Variants in SPAG9 observed in about 807,000 individuals in gnomAD.
SPAG9 encodes the protein sperm associated antigen 9.
Under a neutral mutation model 166.5 loss-of-function variants are expected in SPAG9, and 35 were observed. That is an observed-to-expected ratio of 0.21 (90% confidence interval 0.16 to 0.28). The LOEUF (loss-of-function observed/expected upper bound fraction) is 0.28. Among genes scored for constraint, SPAG9 ranks in the 10% least tolerant of loss-of-function variants. SPAG9 has a pLI of 1.00. For missense variants in SPAG9, 1,235 were observed against 1,603.3 expected (o/e 0.77, Z 3.92); for synonymous variants, 534 against 565.5 (o/e 0.94, Z 0.79).
rs1401434192 is a variant in SPAG9 at position 50,990,553 on chromosome 17, C to T, written c.2514G>A (p.Leu838=). ...TSNSSAETDS[L]LGGITVVGCS... ...AACCAACCACTGTGATGCCTCCTAA[C>T]AGGCTGTCTGTCTCTGCTGAGCTGT... The change falls in exon 20 of 30, where the codon CTG becomes CTA. Residue 838 remains leucine (L), a synonymous_variant. Transcript: ENST00000262013. 1 of 1,614,088 alleles carries T rather than the reference C, an allele frequency of 6.2e-7. No homozygotes were observed. Among genetic ancestry groups the T allele is most frequent in the African/African-American group, 1.3e-5 (1 of 74,934 alleles).
chr17:51,004,475 C>T (rs1314096087), intron 12 of SPAG9, among the ~76,000 whole-genome samples: 2 of 152,178 alleles, frequency 1.3e-5, no homozygotes, highest in Non-Finnish European at 2.9e-5. Context: ...GGGTGGCTCA[C>T]ATCTGTAATC....
At chr17:51,099,009 A>C (rs1196700753) in intron 1 of SPAG9, among the ~76,000 whole-genome samples, 2 of 151,770 alleles carry the variant, frequency 1.3e-5, no homozygotes, top group South Asian at 2.1e-4. Flanking sequence ...CTGAGGCAGA[A>C]GAACTGCTTG....
At chr17:51,028,351 C>T (rs1246332516) in intron 6 of SPAG9, among the ~76,000 whole-genome samples, 1 of 152,148 alleles carries the variant, frequency 6.6e-6, no homozygotes, top group African/African-American at 2.4e-5. Flanking sequence ...CCTTCATATT[C>T]ACTCACTGCT....
chr17:51,083,543 TTTTATTTATTTATTTATTTA>T (rs71149341), intron 1 of SPAG9, among the ~76,000 whole-genome samples: 1 of 141,108 alleles, frequency 7.1e-6, no homozygotes, highest in Admixed American at 7.4e-5. Context: ...AGCCTCTTTA[TTTTATTTATTTATTTATTTA>T]TTTATTTATT....
At chr17:51,079,957 A>T (rs1192419753) in intron 1 of SPAG9, among the ~76,000 whole-genome samples, 1 of 152,238 alleles carries the variant, frequency 6.6e-6, no homozygotes, top group Non-Finnish European at 1.5e-5. Context: ...ATATCTTACT[A>T]CAAATATATA....
chr17:51,020,288 T>C (rs1452064395), intron 7 of SPAG9, 30 bp from the exon 8 acceptor site: 16 of 1,375,474 alleles, frequency 1.2e-5, no homozygotes, highest in Non-Finnish European at 1.4e-5. Context: ...AAATAAACAA[T>C]ACATATATTA....
At chr17:51,018,634 C>A (rs1397434382) in intron 8 of SPAG9, among the ~76,000 whole-genome samples, 4 of 152,108 alleles carry the variant, frequency 2.6e-5, no homozygotes. Flanking sequence ...CATGCACAAA[C>A]TCCAGGTAAG....
chr17:50,991,937 TTTTTTTTTTTTTTTTA>T (rs1262293088), intron 19 of SPAG9, among the ~76,000 whole-genome samples: 1 of 135,956 alleles, frequency 7.4e-6, no homozygotes, highest in Non-Finnish European at 1.6e-5. Flanking sequence ...TTTTTTTTTT[TTTTTTTTTTTTTTTTA>T]AAACACAGGG....
intron 1 of SPAG9, among the ~76,000 whole-genome samples, chr17:51,099,759 TAAAAAAAAAAAAAAAAAAAAA>T (rs58721041): frequency 2.3e-4 from 10 of 43,652 alleles, no homozygotes; most frequent in Non-Finnish European, 4.8e-4. Flanking sequence ...CTTCTATTAC[TAAAAAAAAAAAAAAAAAAAAA>T]AAAAAAAAAC....
At chr17:51,066,191 G>A (rs1293909666) in intron 2 of SPAG9, among the ~76,000 whole-genome samples, 1 of 151,184 alleles carries the variant, frequency 6.6e-6, no homozygotes, top group Non-Finnish European at 1.5e-5. Context: ...CTACAGCCTT[G>A]ACTTCCTGGG....
intron 3 of SPAG9, among the ~76,000 whole-genome samples, chr17:51,054,090 T>C (rs2047286502): frequency 1.4e-5 from 2 of 145,142 alleles, no homozygotes; most frequent in Admixed American, 7.0e-5. Context: ...CCTTAATGGC[T>C]AACAAATGTC....
In SPAG9 at chr17:51,005,267, G is replaced by C; in HGVS notation, c.1425-4C>G. On this transcript the variant is annotated splice_polypyrimidine_tract_variant and splice_region_variant and intron_variant, in intron 11 of 29. Transcript: ENST00000262013. The stretch of plus-strand genomic sequence containing the variant: ...ATCTTCAGCTTCTGCCCGAGCTCTA[G>C]TGGGGAAAAAACAAAACAAAACATG... 6.2e-7 allele frequency: 1 copy of C among 1,613,472 alleles called. No individual in the cohort carries two copies. The highest frequency in any genetic ancestry group is 8.5e-7 in the Non-Finnish European group (1 of 1,179,638).
At chr17:51,070,639 T>C (rs957262405) in intron 2 of SPAG9, among the ~76,000 whole-genome samples, 1 of 152,170 alleles carries the variant, frequency 6.6e-6, no homozygotes, top group Non-Finnish European at 1.5e-5. Context: ...CCACAAAGGA[T>C]TTGAGACAGT....
At chr17:50,982,194 C>A (rs1222368640) in intron 25 of SPAG9, among the ~76,000 whole-genome samples, 1 of 152,152 alleles carries the variant, frequency 6.6e-6, no homozygotes, top group Non-Finnish European at 1.5e-5. Context: ...ATCCTCTTCT[C>A]AAACAATCCT....
intron 1 of SPAG9, among the ~76,000 whole-genome samples, chr17:51,116,053 T>C (rs1302085360): frequency 6.6e-6 from 1 of 151,492 alleles, no homozygotes; most frequent in Non-Finnish European, 1.5e-5. Context: ...TTTTTTTCTT[T>C]TTTCTTTTTT....
intron 2 of SPAG9, among the ~76,000 whole-genome samples, chr17:51,077,041 T>TCTAGCTATCTAG (rs1288825073): frequency 7.1e-5 from 7 of 98,506 alleles, no homozygotes; most frequent in South Asian, 5.5e-4. Context: ...TATCTAGCTA[T>TCTAGCTATCTAG]CTAGCTATCT....
chr17:50,981,205 T>C (rs1974577592), intron 25 of SPAG9, among the ~76,000 whole-genome samples: 10 of 152,138 alleles, frequency 6.6e-5, no homozygotes, highest in Admixed American at 6.5e-4. Flanking sequence ...TAATGGTATA[T>C]CATATTTTTC....
At chr17:51,066,819 G>A (rs2144575650) in intron 2 of SPAG9, among the ~76,000 whole-genome samples, 1 of 152,076 alleles carries the variant, frequency 6.6e-6, no homozygotes, top group South Asian at 2.1e-4. Flanking sequence ...TTGAACCTGG[G>A]AGGTGGGGGC....
chr17:50,999,813 CAG>C (rs1325011728), intron 13 of SPAG9, 96 bp from the exon 14 acceptor site: 15 of 939,848 alleles, frequency 1.6e-5, no homozygotes, highest in Non-Finnish European at 2.1e-5. Context: ...ATGGGATACA[CAG>C]AGGGGAGTCA....
Sources: gnomAD v4.1 joint callset for allele counts (sites outside exome capture counted in the v4.1 genomes callset) on GRCh38, gnomAD v4.1.1 for gene constraint, MANE v1.5 for transcripts, NCBI Gene and HGNC (gene_info 2026-07-23, HGNC 2026-07-21) for gene names.